The following ZC3H12C variants were observed in gnomAD, a reference collection of about 807,000 sequenced individuals.
The protein encoded by ZC3H12C is probable ribonuclease ZC3H12C.
Under a neutral mutation model 76.3 loss-of-function variants are expected in ZC3H12C, and 20 were observed. The ratio of observed to expected loss-of-function variants is 0.26; its 90% CI spans 0.18 to 0.38. The LOEUF (loss-of-function observed/expected upper bound fraction) is 0.38, where lower values mean the gene tolerates loss of function less well. Ranked by LOEUF, ZC3H12C falls within the 10% of genes least tolerant of loss-of-function variation. The pLI, the probability that ZC3H12C is intolerant of heterozygous loss-of-function variation, is 1.00. For missense variants in ZC3H12C, 874 were observed against 1,086.5 expected, an observed-to-expected ratio of 0.80 and a Z score of 2.75; for synonymous variants, 352 against 399.6, an observed-to-expected ratio of 0.88 and a Z score of 1.42.
intron 2 of ZC3H12C, among the ~76,000 whole-genome samples, chr11:110,143,168 A>G (rs1862096992): frequency 1.3e-5 from 2 of 152,226 alleles, no homozygotes; most frequent in African/African-American, 4.8e-5. Context: ...ATAGATTCTC[A>G]AATAAATATG....
chr11:110,118,658 A>G (rs1861603657), intron 1 of ZC3H12C, among the ~76,000 whole-genome samples: 1 of 152,098 alleles, frequency 6.6e-6, no homozygotes, highest in Non-Finnish European at 1.5e-5. Flanking sequence ...TTAGCTGGGC[A>G]TGGTAGCACA....
At chr11:110,152,158 G>T (rs746003403) in intron 2 of ZC3H12C, among the ~76,000 whole-genome samples, 4 of 152,218 alleles carry the variant, frequency 2.6e-5, no homozygotes, top group African/African-American at 7.2e-5. Flanking sequence ...AGGTTAAAGT[G>T]TACAAGCAGA....
At chr11:110,119,651 T>C (rs1029850235) in intron 1 of ZC3H12C, among the ~76,000 whole-genome samples, 15 of 152,184 alleles carry the variant, frequency 9.9e-5, no homozygotes, top group African/African-American at 3.6e-4. Flanking sequence ...ACTGGGTAAT[T>C]TATAAATAAT....
At chr11:110,100,290 C>T (rs1375136976) in intron 1 of ZC3H12C, among the ~76,000 whole-genome samples, 2 of 150,282 alleles carry the variant, frequency 1.3e-5, no homozygotes, top group Admixed American at 6.7e-5. Context: ...AGTGATCACC[C>T]GCCTCCACTT....
chr11:110,110,286 T>C (rs572042878), intron 1 of ZC3H12C, among the ~76,000 whole-genome samples: 1 of 152,140 alleles, frequency 6.6e-6, no homozygotes, highest in East Asian at 1.9e-4. Flanking sequence ...TTAAATGGAG[T>C]TTCCCTATGA....
intron 1 of ZC3H12C, among the ~76,000 whole-genome samples, chr11:110,100,041 GATA>G (rs1432980062): frequency 4.0e-5 from 6 of 151,824 alleles, no homozygotes; most frequent in Admixed American, 2.6e-4. Context: ...AGTACAAAAT[GATA>G]ATGATAGTAC....
At chr11:110,113,288 A>G (rs1438880131) in intron 1 of ZC3H12C, among the ~76,000 whole-genome samples, 1 of 152,170 alleles carries the variant, frequency 6.6e-6, no homozygotes, top group Non-Finnish European at 1.5e-5. Flanking sequence ...TCCCTTAATT[A>G]TGAATGTAAG....
intron 1 of ZC3H12C, among the ~76,000 whole-genome samples, chr11:110,102,600 T>C (rs1011595220): frequency 6.6e-6 from 1 of 152,162 alleles, no homozygotes; most frequent in African/African-American, 2.4e-5. Flanking sequence ...TTTCAAAAAT[T>C]CAACCTAGTT....
At chr11:110,148,390 T>A (rs539573322) in intron 2 of ZC3H12C, among the ~76,000 whole-genome samples, 1 of 152,340 alleles carries the variant, frequency 6.6e-6, no homozygotes, top group East Asian at 1.9e-4. Context: ...CATCTCGTAT[T>A]TTTCTACTGC....
Position 110,165,583 on chromosome 11 carries a change from G to T in ZC3H12C, c.2498G>T (p.Arg833Met), listed in dbSNP as rs766560769. 24 of 1,611,268 alleles carry T rather than the reference G, an allele frequency of 1.5e-5. No homozygotes were observed. The highest frequency in any genetic ancestry group is 3.4e-5 in the Admixed American group (2 of 59,524). The change falls in exon 6 of 6, where the codon AGG becomes ATG. Residue 833 changes from arginine (R) to methionine (M), a missense_variant. Around this residue, in one of 3 missense-constraint regions of ZC3H12C, gnomAD observed 395 missense variants for 434.4 expected, o/e 0.91. Coordinates refer to ENST00000278590, the MANE Select transcript of ZC3H12C (RefSeq NM_033390.2). ...TGTGGAATGCCGCAAGATCCCCCGA[G>T]GTATCAAGACAACCGAGAAAAGATT... Reference protein sequence around the residue: ...PYCGMPQDPPRYQDNREKIYI... With the variant: ...PYCGMPQDPPMYQDNREKIYI...
intron 1 of ZC3H12C, among the ~76,000 whole-genome samples, chr11:110,098,694 G>GTT (rs1452111212): frequency 6.6e-6 from 1 of 152,176 alleles, no homozygotes; most frequent in Non-Finnish European, 1.5e-5. Flanking sequence ...TGCCTACAGT[G>GTT]TTTAGTACAG....
At chr11:110,138,560 CTT>C (rs550307579) in intron 2 of ZC3H12C, among the ~76,000 whole-genome samples, 37 of 140,408 alleles carry the variant, frequency 2.6e-4, no homozygotes, top group Admixed American at 4.3e-4. Context: ...TTACATTATT[CTT>C]TTTTTTTTTT....
chr11:110,114,105 C>G (rs1265757872), intron 1 of ZC3H12C, among the ~76,000 whole-genome samples: 1 of 152,198 alleles, frequency 6.6e-6, no homozygotes, highest in Non-Finnish European at 1.5e-5. Flanking sequence ...TCCTGACTGA[C>G]TAGCCGCTTC....
At chr11:110,155,393 G>A (rs1862358576) in intron 3 of ZC3H12C, among the ~76,000 whole-genome samples, 1 of 152,008 alleles carries the variant, frequency 6.6e-6, no homozygotes, top group South Asian at 2.1e-4. Flanking sequence ...GTTACAACCT[G>A]TCAAGAAAGT....
At chr11:110,104,026 GATTGCAGCA>G (rs1861271754) in intron 1 of ZC3H12C, among the ~76,000 whole-genome samples, 1 of 144,914 alleles carries the variant, frequency 6.9e-6, no homozygotes. Flanking sequence ...AATATCATAA[GATTGCAGCA>G]ATTCAGTCAT....
At chr11:110,127,789 C>T (rs914690005) in intron 1 of ZC3H12C, among the ~76,000 whole-genome samples, 4 of 151,210 alleles carry the variant, frequency 2.6e-5, no homozygotes, top group East Asian at 1.9e-4. Flanking sequence ...CCAGCTACTT[C>T]GGAGGCAGAA....
At chr11:110,111,170 G>A (rs2078558642) in intron 1 of ZC3H12C, among the ~76,000 whole-genome samples, 1 of 152,186 alleles carries the variant, frequency 6.6e-6, no homozygotes, top group African/African-American at 2.4e-5. Flanking sequence ...CAGGTGCTGA[G>A]TCTTGGGCCT....
At chr11:110,139,655 A>G (rs1197577877) in intron 2 of ZC3H12C, among the ~76,000 whole-genome samples, 1 of 152,160 alleles carries the variant, frequency 6.6e-6, no homozygotes, top group Non-Finnish European at 1.5e-5. Context: ...CTGAATGATT[A>G]CCTTAGTGAT....
Position 110,152,993 on chromosome 11 carries a change from A to C in ZC3H12C, c.848A>C (p.Lys283Thr). 6.2e-7 allele frequency: 1 copy of C among 1,612,142 alleles called. No homozygotes were observed. Among genetic ancestry groups the C allele is most frequent in the Non-Finnish European group, 8.5e-7 (1 of 1,179,086 alleles). ...GATTGGTTTTTGGAAAGAGGCCACAAAGACATTACAGTTTTTGTTCCTGCT... is the reference window on the plus strand; with the variant it reads ...GATTGGTTTTTGGAAAGAGGCCACACAGACATTACAGTTTTTGTTCCTGCT... ...AVDWFLERGH[K>T]DITVFVPAWR... The change falls in exon 3 of 6, where the codon AAA (lysine) becomes ACA (threonine). Residue 283 changes from lysine to threonine, a missense_variant. Lys to Thr is a moderately conservative substitution (Grantham distance 78). This residue lies in a region of ZC3H12C where 269 missense variants were observed against 424.9 expected (regional missense o/e 0.63). Coordinates refer to ENST00000278590, the MANE Select transcript of ZC3H12C (RefSeq NM_033390.2).
Sources: gnomAD v4.1 joint callset for allele counts (sites outside exome capture counted in the v4.1 genomes callset) on GRCh38, gnomAD v4.1.1 for gene constraint, gnomAD v4.1.1 regional missense constraint, MANE v1.5 for transcripts, NCBI Gene and HGNC (gene_info 2026-07-23, HGNC 2026-07-21) for gene names.